The following CCL28 variants were observed in gnomAD, a reference collection of about 807,000 sequenced individuals.
CCL28 encodes the protein C-C motif chemokine ligand 28, also known as C-C motif chemokine 28.
A neutral mutation model predicts 7.1 loss-of-function variants in CCL28; 4 were observed. The ratio of observed to expected loss-of-function variants is 0.56; its 90% confidence interval spans 0.28 to 1.29. The LOEUF (loss-of-function observed/expected upper bound fraction) is 1.29. Among genes scored for constraint, CCL28 ranks in the 50% most tolerant of loss-of-function variants. CCL28 has a pLI of 0.11. For missense variants in CCL28, 151 were observed against 163.4 expected (o/e 0.92, Z 0.41); for synonymous variants, 55 against 57.8 (o/e 0.95, Z 0.22).
the CCL28 span, among the ~76,000 whole-genome samples, chr5:43,358,243 G>C: frequency 2.5e-4 from 38 of 152,328 alleles, no homozygotes; most frequent in Non-Finnish European, 2.9e-5. Context: ...ATTGGCTTTT[G>C]TTTGGAATTC....
At chr5:43,377,716 A>AATTTTTTTTTT (rs1561151287), downstream of CCL28, among the ~76,000 whole-genome samples, 3 of 45,660 alleles carry the variant, frequency 6.6e-5, no homozygotes, top group Non-Finnish European at 1.3e-4. Context: ...TAGAACTTAA[A>AATTTTTTTTTT]CTTTTTTTTT....
intron 1 of CCL28, among the ~76,000 whole-genome samples, chr5:43,403,352 C>A (rs1741122564): frequency 6.6e-6 from 1 of 152,186 alleles, no homozygotes; most frequent in African/African-American, 2.4e-5. Context: ...TGCCATTCTG[C>A]AATATTTGCT....
downstream of CCL28, among the ~76,000 whole-genome samples, chr5:43,373,944 G>A (rs922632872): frequency 1.3e-5 from 2 of 152,228 alleles, no homozygotes; most frequent in African/African-American, 4.8e-5. Flanking sequence ...CTGAGGGCAT[G>A]AAAAGTCTGA....
At chr5:43,375,458 TAAA>T (rs56289620), downstream of CCL28, among the ~76,000 whole-genome samples, 187 of 32,740 alleles carry the variant, frequency 5.7e-3, no homozygotes, top group African/African-American at 0.021. Context: ...GACAGAAAGC[TAAA>T]AAAAAAAAAA....
chr5:43,392,083 A>G (rs1740595320), intron 1 of CCL28, among the ~76,000 whole-genome samples: 3 of 152,054 alleles, frequency 2.0e-5, no homozygotes, highest in African/African-American at 7.3e-5. Flanking sequence ...ATCTGAGGGG[A>G]GGCTTGAACA....
At chr5:43,370,248 TA>T in the CCL28 span, among the ~76,000 whole-genome samples, 1 of 152,230 alleles carries the variant, frequency 6.6e-6, no homozygotes, top group African/African-American at 2.4e-5. Flanking sequence ...CGGCAATATA[TA>T]ATTCAAATAC....
intron 1 of CCL28, among the ~76,000 whole-genome samples, chr5:43,401,878 C>T (rs9292877): frequency 0.084 from 12,748 of 152,172 alleles, 982 homozygotes; most frequent in African/African-American, 0.2. Flanking sequence ...ACTTTATCTA[C>T]AGAAGATATT....
downstream of CCL28, among the ~76,000 whole-genome samples, chr5:43,377,717 CTTTTTTTTTTTTTTTTTTTTT>C (rs767834184): frequency 4.7e-5 from 2 of 42,708 alleles, no homozygotes; most frequent in Middle Eastern, 0.021. Context: ...AGAACTTAAA[CTTTTTTTTTTTTTTTTTTTTT>C]TTTTTTTTTT....
At chr5:43,409,900 T>C (rs1008377548) in intron 1 of CCL28, among the ~76,000 whole-genome samples, 1 of 152,074 alleles carries the variant, frequency 6.6e-6, no homozygotes, top group Non-Finnish European at 1.5e-5. Context: ...AGCAGCCACG[T>C]CAGCAGAGGT....
At position 43,381,707 on chromosome 5, in the gene CCL28, C is replaced by A. The variant is rs1579720846; in HGVS notation, c.*153G>T. 9.3e-6 allele frequency: 6 copies of A among 643,782 alleles called. No individual in the cohort carries two copies. The highest frequency in any genetic ancestry group is 2.7e-6 in the Non-Finnish European group (1 of 367,418). 39.9% of individuals were successfully genotyped at this position (643,782 alleles called of 1,614,324 possible). A position where few individuals can be genotyped will look rare whatever the true frequency, so the allele number is the denominator to read the frequency against. ...TTCCAGTTGAGTATATTATTGGCTA[C>A]ATTTGCATACCGCACAATTGTTCAT... On this transcript the variant is annotated 3_prime_UTR_variant, in exon 3 of 3. Transcript: ENST00000361115.
At chr5:43,360,769 T>C in the CCL28 span, among the ~76,000 whole-genome samples, 3 of 152,220 alleles carry the variant, frequency 2.0e-5, no homozygotes, top group Non-Finnish European at 1.5e-5. Context: ...CACTTTCTAA[T>C]GGTTTTTTTC....
downstream of CCL28, among the ~76,000 whole-genome samples, chr5:43,374,121 T>C (rs370955983): frequency 2.0e-5 from 3 of 152,222 alleles, no homozygotes; most frequent in Admixed American, 6.5e-5. Context: ...TTTGTTTTCA[T>C]TGTAATTGAG....
chr5:43,401,695 T>C (rs1312416003), intron 1 of CCL28, among the ~76,000 whole-genome samples: 2 of 152,210 alleles, frequency 1.3e-5, no homozygotes, highest in Non-Finnish European at 2.9e-5. Flanking sequence ...TGGGCCAATA[T>C]GCAGTACAGT....
At chr5:43,382,941 C>A (rs1424737943) in intron 2 of CCL28, among the ~76,000 whole-genome samples, 1 of 152,008 alleles carries the variant, frequency 6.6e-6, no homozygotes, top group Non-Finnish European at 1.5e-5. Context: ...GCCTCAGCCT[C>A]CCGAGTAGCT....
At chr5:43,396,072 G>A (rs954355395) in intron 1 of CCL28, among the ~76,000 whole-genome samples, 7 of 151,726 alleles carry the variant, frequency 4.6e-5, no homozygotes, top group Admixed American at 6.6e-5. Flanking sequence ...GGGTTTCACC[G>A]TGTTAGCCAG....
chr5:43,377,716 A>AATTTTTTTT, downstream of CCL28, among the ~76,000 whole-genome samples: 1 of 45,660 alleles, frequency 2.2e-5, no homozygotes, highest in African/African-American at 1.3e-4. Flanking sequence ...TAGAACTTAA[A>AATTTTTTTT]CTTTTTTTTT....
downstream of CCL28, chr5:43,379,052 A>G (rs1308508383): frequency 6.6e-6 from 1 of 152,220 alleles, no homozygotes; most frequent in Non-Finnish European, 1.5e-5. Context: ...TGGCAGAAAA[A>G]TCAGTTTTTA....
At chr5:43,397,084 GAGAGGACCGACGTGAAGA>G (rs1403740009) in intron 1 of CCL28, 6 of 152,258 alleles carry the variant, frequency 3.9e-5, no homozygotes, top group Non-Finnish European at 8.8e-5. Context: ...CCCGCGCGCG[GAGAGGACCGACGTGAAGA>G]AGCTGCCAAA....
intron 1 of CCL28, among the ~76,000 whole-genome samples, chr5:43,408,826 A>G: frequency 6.6e-6 from 1 of 152,024 alleles, no homozygotes; most frequent in South Asian, 2.1e-4. Context: ...TAACTTTCAT[A>G]ATATTAGGAT....
Sources: allele counts gnomAD v4.1 joint callset (sites outside exome capture counted in the v4.1 genomes callset), GRCh38; gene constraint gnomAD v4.1.1; transcripts MANE v1.5; gene names NCBI Gene and HGNC (gene_info 2026-07-23, HGNC 2026-07-21).